DPP10: variants seen among roughly 807,000 people sequenced by gnomAD.
The protein encoded by DPP10 is dipeptidyl peptidase like 10.
DPP10 carries 33 observed loss-of-function variants against 120.9 expected under a neutral mutation model. The observed-to-expected ratio is 0.27, with a 90% CI of 0.21 to 0.37. The LOEUF is 0.37. Among genes scored for constraint, DPP10 ranks in the 10% least tolerant of loss-of-function variants. The probability of loss-of-function intolerance (pLI) is 1.00; values close to 1 mark genes in which losing one functional copy is unlikely to be tolerated. For missense variants in DPP10, 816 were observed against 942.8 expected, an observed-to-expected ratio of 0.87 and a Z score of 1.76; for synonymous variants, 337 against 326.1, an observed-to-expected ratio of 1.03 and a Z score of -0.36.
chr2:115,810,928 G>A (rs1027029346), intron 19 of DPP10, among the ~76,000 whole-genome samples: 9 of 152,160 alleles, frequency 5.9e-5, no homozygotes, highest in African/African-American at 2.2e-4. Flanking sequence ...CACATGAGTC[G>A]TGGTACCCAT....
At chr2:115,433,092 G>C (rs1574831248) in intron 3 of DPP10, among the ~76,000 whole-genome samples, 1 of 152,126 alleles carries the variant, frequency 6.6e-6, no homozygotes. Context: ...TCGTGCTTGA[G>C]AGCCCACATC....
intron 1 of DPP10, among the ~76,000 whole-genome samples, chr2:114,836,662 G>A (rs182732218): frequency 9.2e-4 from 140 of 152,240 alleles, no homozygotes; most frequent in Non-Finnish European, 1.6e-3. Context: ...CTTATCAGGG[G>A]ACAGGGTTTG....
intron 1 of DPP10, among the ~76,000 whole-genome samples, chr2:114,578,839 G>T (rs1218276978): frequency 1.3e-5 from 2 of 151,892 alleles, no homozygotes; most frequent in Non-Finnish European, 2.9e-5. Flanking sequence ...TATTTATTTT[G>T]CAGAAAATAA....
intron 3 of DPP10, among the ~76,000 whole-genome samples, chr2:115,381,660 TG>T (rs2066368872): frequency 1.3e-5 from 2 of 152,220 alleles, no homozygotes; most frequent in African/African-American, 4.8e-5. Flanking sequence ...TTTTCTGCTC[TG>T]GTTTTTCCCC....
At chr2:115,733,701 T>C (rs570754602) in intron 8 of DPP10, among the ~76,000 whole-genome samples, 14 of 152,220 alleles carry the variant, frequency 9.2e-5, no homozygotes, top group Non-Finnish European at 1.8e-4. Flanking sequence ...GCTTGCTTTT[T>C]ACAATAACAC....
At chr2:115,350,533 A>T (rs2063956780) in intron 3 of DPP10, among the ~76,000 whole-genome samples, 1 of 152,122 alleles carries the variant, frequency 6.6e-6, no homozygotes, top group South Asian at 2.1e-4. Context: ...TGGTAGATGC[A>T]TTCAGCTAGA....
At chr2:114,692,385 G>T (rs575255434) in intron 1 of DPP10, among the ~76,000 whole-genome samples, 19 of 152,156 alleles carry the variant, frequency 1.2e-4, no homozygotes, top group South Asian at 1.2e-3. Flanking sequence ...CCATTTGATG[G>T]TGTGGCTTTG....
At chr2:115,110,133 C>T (rs988149519) in intron 1 of DPP10, among the ~76,000 whole-genome samples, 3 of 152,198 alleles carry the variant, frequency 2.0e-5, no homozygotes, top group Non-Finnish European at 4.4e-5. Flanking sequence ...AATTACCTCT[C>T]GATTTCCCAC....
At chr2:115,226,704 A>G (rs955402863) in intron 1 of DPP10, among the ~76,000 whole-genome samples, 3 of 152,200 alleles carry the variant, frequency 2.0e-5, no homozygotes, top group Non-Finnish European at 2.9e-5. Flanking sequence ...ACTACTTACT[A>G]TAGTTACATC....
intron 1 of DPP10, among the ~76,000 whole-genome samples, chr2:115,232,510 G>C (rs964656207): frequency 6.6e-6 from 1 of 152,062 alleles, no homozygotes; most frequent in Non-Finnish European, 1.5e-5. Flanking sequence ...CTTCAGTTTT[G>C]ATTTCACTAC....
chr2:115,614,370 C>T (rs1472936586), intron 5 of DPP10, among the ~76,000 whole-genome samples: 1 of 152,050 alleles, frequency 6.6e-6, no homozygotes, highest in African/African-American at 2.4e-5. Context: ...TTTCAAGTGC[C>T]CCTCTGTTGG....
chr2:115,442,637 A>G (rs1037582952), intron 3 of DPP10, among the ~76,000 whole-genome samples: 7 of 152,152 alleles, frequency 4.6e-5, no homozygotes, highest in African/African-American at 1.7e-4. Flanking sequence ...AATGGCTTTG[A>G]TGATGAATGA....
At position 114,748,360 on chromosome 2, in the gene DPP10, T is replaced by A. The variant is rs867508364; in HGVS notation, c.60+305522T>A. On this transcript the variant is annotated intron_variant, in intron 1 of 25. Coordinates refer to ENST00000410059, the MANE Select transcript of DPP10 (RefSeq NM_020868.6). ...TTTCTTTTTTTTTTTTATTTTTTTT[T>A]ATTTTATTTATTTATTTATTTATTT... Among the ~76,000 whole-genome samples the A allele has an allele frequency of 4.7e-4, 60 of 126,792 alleles. 2 individuals carry two copies. The highest frequency in any genetic ancestry group is 1.6e-3 in the Admixed American group (19 of 12,232). 83.2% of individuals were successfully genotyped at this position (126,792 alleles called of 152,430 possible). A position where few individuals can be genotyped will look rare whatever the true frequency, so the allele number is the denominator to read the frequency against.
chr2:115,063,707 T>C (rs887581658), intron 1 of DPP10, among the ~76,000 whole-genome samples: 8 of 152,318 alleles, frequency 5.3e-5, no homozygotes, highest in Non-Finnish European at 4.4e-5. Context: ...GAGAACTGGC[T>C]AGCCATATGC....
chr2:115,289,500 A>ATAGGAAG (rs1553539645), intron 1 of DPP10, among the ~76,000 whole-genome samples: 19,493 of 113,472 alleles, frequency 0.17, 1,916 homozygotes, highest in East Asian at 0.33. Context: ...AAAAAAAAAA[A>ATAGGAAG]AAAAGGAAGA....
intron 1 of DPP10, among the ~76,000 whole-genome samples, chr2:114,786,679 G>C (rs961173774): frequency 1.3e-5 from 2 of 152,142 alleles, no homozygotes; most frequent in African/African-American, 4.8e-5. Flanking sequence ...TGTTTTAATC[G>C]TATTAAAAGT....
chr2:115,260,356 G>GT lies in DPP10; in HGVS notation c.61-48878dup, dbSNP rs2059199315. On this transcript the variant is annotated intron_variant, in intron 1 of 25. Coordinates refer to ENST00000410059, the MANE Select transcript of DPP10 (RefSeq NM_020868.6). ...CTTACTTTTCTTTCATGGCATGAAA[G>GT]TTTTTGTGTGCTACTTTTTACTATT... 3.3e-5 allele frequency among the ~76,000 whole-genome samples: 5 copies of GT among 152,212 alleles called. No homozygotes were observed. The South Asian group carries it at 1.0e-3, about 32-fold the overall frequency.
At chr2:115,208,596 C>T (rs1170120706) in intron 1 of DPP10, among the ~76,000 whole-genome samples, 3 of 152,108 alleles carry the variant, frequency 2.0e-5, no homozygotes, top group African/African-American at 7.2e-5. Flanking sequence ...TCTCCCTTAT[C>T]TGCATTATTC....
intron 1 of DPP10, among the ~76,000 whole-genome samples, chr2:114,460,214 T>TATCTATC (rs1424178177): frequency 2.2e-5 from 3 of 134,474 alleles, no homozygotes; most frequent in African/African-American, 7.8e-5. Flanking sequence ...TCTATCTATC[T>TATCTATC]ATCTATCTAT....
Sources: allele counts gnomAD v4.1 joint callset (sites outside exome capture counted in the v4.1 genomes callset), GRCh38; gene constraint gnomAD v4.1.1; transcripts MANE v1.5; gene names NCBI Gene and HGNC (gene_info 2026-07-23, HGNC 2026-07-21).